Variants in SYDE2 observed in about 807,000 individuals in gnomAD.
SYDE2 encodes the protein synapse defective Rho GTPase homolog 2, also known as rho GTPase-activating protein SYDE2.
SYDE2 carries 76 observed loss-of-function variants against 91.5 expected under a neutral mutation model. The ratio of observed to expected loss-of-function variants is 0.83; its 90% CI spans 0.69 to 1.01. The LOEUF is 1.01. SYDE2 is among the 50% of genes least tolerant of loss of function. The pLI, the probability that SYDE2 is intolerant of heterozygous loss-of-function variation, is 0.00. For synonymous variants in SYDE2, 513 were observed against 506.4 expected (o/e 1.01, Z -0.18); for missense variants, 1,364 against 1,367.7 (o/e 1.00, Z 0.04).
rs1231734347 is a variant in SYDE2, at chr1:85,190,830, TA to T, written c.746-79del. 9 of 1,254,666 alleles carry T rather than the reference TA, an allele frequency of 7.2e-6. No individual in the cohort carries two copies. The African/African-American group carries it at 1.2e-4, about 17-fold the overall frequency. The allele number at this position is 1,254,666 out of a possible 1,614,324, so 77.7% of individuals were successfully genotyped here. A position where few individuals can be genotyped will look rare whatever the true frequency, so the allele number is the denominator to read the frequency against. On this transcript the variant is annotated intron_variant, in intron 1 of 6. Transcript: ENST00000341460. ...GACATGTCACTTCAGACCAGTTATTTAAAAAAATTTTTTTAAACAAAAAGTA... is the reference window on the plus strand; with the variant it reads ...GACATGTCACTTCAGACCAGTTATTTAAAAAATTTTTTTAAACAAAAAGTA...
intron 3 of SYDE2, among the ~76,000 whole-genome samples, chr1:85,180,883 A>T (rs1657889003): frequency 6.6e-6 from 1 of 152,174 alleles, no homozygotes; most frequent in African/African-American, 2.4e-5. Flanking sequence ...TTAGCTTTTA[A>T]GTCTGCATAA....
intron 5 of SYDE2, among the ~76,000 whole-genome samples, chr1:85,166,169 G>A (rs1002397826): frequency 4.0e-5 from 6 of 151,742 alleles, no homozygotes; most frequent in African/African-American, 9.7e-5. Context: ...GGGAAACCCC[G>A]ACTCTACTGA....
chr1:85,200,446 G>T lies in SYDE2; in HGVS notation c.551C>A (p.Pro184Gln), dbSNP rs368656842. The T allele has an allele frequency of 6.2e-7, 1 of 1,613,932 alleles. No homozygotes were observed. Among genetic ancestry groups the T allele is most frequent in the Non-Finnish European group, 8.5e-7 (1 of 1,179,894 alleles). Reference sequence around the variant, plus strand: ...CTGCAGCTTCTTGACTGTCACTGCCGGCGGCCTGAGGAAGGAGGGGCCTTC... The same window carrying T: ...CTGCAGCTTCTTGACTGTCACTGCCTGCGGCCTGAGGAAGGAGGGGCCTTC... ...RQEGPSFLRP[P>Q]AVTVKKLQKW... The change falls in exon 1 of 7, where the codon CCG becomes CAG. Residue 184 changes from proline to glutamine, a missense_variant. Coordinates refer to ENST00000341460, the MANE Select transcript of SYDE2 (RefSeq NM_032184.2).
intron 5 of SYDE2, among the ~76,000 whole-genome samples, chr1:85,167,478 A>G (rs1403626853): frequency 6.6e-6 from 1 of 152,186 alleles, no homozygotes; most frequent in Non-Finnish European, 1.5e-5. Flanking sequence ...TGACTGAGAC[A>G]AAGTCTGGCT....
At position 85,200,814 on chromosome 1, in the gene SYDE2, C is replaced by A; in HGVS notation, c.183G>T (p.Pro61=). The A allele has an allele frequency of 7.0e-7, 1 of 1,435,920 alleles. No individual in the cohort carries two copies. Among genetic ancestry groups the A allele is most frequent in the Non-Finnish European group, 9.1e-7 (1 of 1,102,668 alleles). The allele number at this position is 1,435,920 out of a possible 1,614,324, so 88.9% of individuals were successfully genotyped here. A position where few individuals can be genotyped will look rare whatever the true frequency, so the allele number is the denominator to read the frequency against. ...GGGRPRQQVS[P]PRSPQREPRG... ...GCGGCTCCCTCTGAGGCGACCGGGGCGGGGACACCTGCTGCCGAGGGCGTC... is the reference window on the plus strand; with the variant it reads ...GCGGCTCCCTCTGAGGCGACCGGGGAGGGGACACCTGCTGCCGAGGGCGTC... The change falls in exon 1 of 7, where the codon CCG becomes CCT. Residue 61 remains proline (P), a synonymous_variant. Transcript: ENST00000341460.
intron 6 of SYDE2, chr1:85,161,096 C>T (rs1657037464): frequency 1.0e-6 from 1 of 985,316 alleles, no homozygotes; most frequent in Non-Finnish European, 1.2e-6. Context: ...GTTTTCCCAT[C>T]ACTGTTGACT....
At chr1:85,190,020 G>T in intron 2 of SYDE2, 37 bp downstream of exon 2, 1 of 1,444,048 alleles carries the variant, frequency 6.9e-7, no homozygotes. Context: ...TTCAAAAATG[G>T]AAGAAGAAAG....
chr1:85,192,289 T>C (rs1440467741), intron 1 of SYDE2, among the ~76,000 whole-genome samples: 1 of 152,138 alleles, frequency 6.6e-6, no homozygotes, highest in Non-Finnish European at 1.5e-5. Flanking sequence ...ACACCTGTCA[T>C]CCTAGCTACT....
In SYDE2 at chr1:85,158,721, T is replaced by C. The variant is rs771109609; in HGVS notation, c.*29A>G. ...TAAAACAAAAACAGATTTGAAACTT[T>C]AAGACATTACAAAAAAAAACCCTCA... On this transcript the variant is annotated 3_prime_UTR_variant, in exon 7 of 7. Transcript: ENST00000341460. 169 of 699,276 alleles carry C rather than the reference T, an allele frequency of 2.4e-4. 2 individuals are homozygous for C. In the Admixed American group the frequency reaches 4.3e-3, roughly 18 times the overall value. 43.3% of individuals were successfully genotyped at this position (699,276 alleles called of 1,614,324 possible). A position where few individuals can be genotyped will look rare whatever the true frequency, so the allele number is the denominator to read the frequency against.
intron 6 of SYDE2, among the ~76,000 whole-genome samples, chr1:85,163,102 A>G (rs908138114): frequency 1.3e-5 from 2 of 151,910 alleles, no homozygotes; most frequent in South Asian, 4.2e-4. Context: ...CAAATTTTAA[A>G]GTTGAATTTT....
At chr1:85,161,285 A>T (rs1206045432) in intron 6 of SYDE2, 1 of 172,640 alleles carries the variant, frequency 5.8e-6, no homozygotes, top group Non-Finnish European at 1.2e-5. Flanking sequence ...TAACCCAAAT[A>T]CTCTGCTAGG....
Position 85,200,472 on chromosome 1 carries a change from C to T in SYDE2, c.525G>A (p.Gln175=). The change falls in exon 1 of 7, where the codon CAG becomes CAA. Residue 175 remains glutamine (Q), a synonymous_variant. Transcript: ENST00000341460. Reference sequence around the variant, plus strand: ...GCGGCCTGAGGAAGGAGGGGCCTTCCTGGCGGTCTCCTTTGCCACTGCGTA... The same window carrying T: ...GCGGCCTGAGGAAGGAGGGGCCTTCTTGGCGGTCTCCTTTGCCACTGCGTA... ...SVIRSGKGDR[Q]EGPSFLRPPA... is the part of the protein sequence containing the mutation. 6.2e-7 allele frequency: 1 copy of T among 1,613,920 alleles called. No homozygotes were observed. The highest frequency in any genetic ancestry group is 8.5e-7 in the Non-Finnish European group (1 of 1,179,892).
intron 3 of SYDE2, among the ~76,000 whole-genome samples, chr1:85,180,545 T>C (rs1208976914): frequency 6.6e-6 from 1 of 151,678 alleles, no homozygotes; most frequent in African/African-American, 2.4e-5. Flanking sequence ...ATACAAAAAT[T>C]AGCCAGGCAT....
rs1658782063 is a variant in SYDE2, at chr1:85,200,482, C to G, written c.515G>C (p.Gly172Ala). Residue 172 changes from glycine to alanine, a missense_variant, in exon 1 of 7, where the codon GGA becomes GCA. By Grantham distance (60) the Gly-to-Ala change is moderately conservative. Transcript: ENST00000341460. ...GAAGGAGGGGCCTTCCTGGCGGTCT[C>G]CTTTGCCACTGCGTATCACAGAGGA... ...AGSSVIRSGKGDRQEGPSFLR... is the reference protein window; with the variant it reads ...AGSSVIRSGKADRQEGPSFLR... The G allele has an allele frequency of 1.2e-6, 2 of 1,613,910 alleles. No homozygotes were observed. The highest frequency in any genetic ancestry group is 1.7e-6 in the Non-Finnish European group (2 of 1,179,894).
intron 6 of SYDE2, among the ~76,000 whole-genome samples, chr1:85,162,526 A>G (rs1244600649): frequency 6.6e-6 from 1 of 152,218 alleles, no homozygotes; most frequent in Non-Finnish European, 1.5e-5. Context: ...CTAAAGAAAA[A>G]TAACAGGTTA....
chr1:85,194,395 T>C (rs969138436), intron 1 of SYDE2, among the ~76,000 whole-genome samples: 1 of 148,656 alleles, frequency 6.7e-6, no homozygotes, highest in East Asian at 1.9e-4. Context: ...ATTATAAATT[T>C]TTTTGTAGAG....
At chr1:85,168,963 C>A in intron 5 of SYDE2, 81 bp downstream of exon 5, 1 of 1,284,780 alleles carries the variant, frequency 7.8e-7, no homozygotes. Flanking sequence ...TGTCAAATAT[C>A]TAAAATTATT....
chr1:85,196,701 A>G (rs1000359635), intron 1 of SYDE2, among the ~76,000 whole-genome samples: 3 of 152,192 alleles, frequency 2.0e-5, no homozygotes, highest in African/African-American at 4.8e-5. Flanking sequence ...CAAAAACTAT[A>G]TAACTATTGC....
At chr1:85,199,142 G>T (rs1658711167) in intron 1 of SYDE2, among the ~76,000 whole-genome samples, 1 of 152,174 alleles carries the variant, frequency 6.6e-6, no homozygotes, top group South Asian at 2.1e-4. Context: ...AAGTTAATGT[G>T]TATAAATCCA....
Sources: allele counts gnomAD v4.1 joint callset (sites outside exome capture counted in the v4.1 genomes callset), GRCh38; gene constraint gnomAD v4.1.1; transcripts MANE v1.5; gene names NCBI Gene and HGNC (gene_info 2026-07-23, HGNC 2026-07-21).